Variants in HDAC9 observed in about 807,000 individuals in gnomAD.
HDAC9 encodes the protein MEF-2 interacting transcription repressor (MITR) protein.
Under a neutral mutation model 139.4 loss-of-function variants are expected in HDAC9, and 41 were observed. The ratio of observed to expected loss-of-function variants is 0.29; its 90% CI spans 0.23 to 0.38. HDAC9 has a LOEUF of 0.38. Ranked by LOEUF, HDAC9 falls within the 10% of genes least tolerant of loss-of-function variation. The pLI is 1.00. For synonymous variants in HDAC9, 517 were observed against 476.2 expected, an observed-to-expected ratio of 1.09 and a Z score of -1.12; for missense variants, 1,147 against 1,297.0, an observed-to-expected ratio of 0.88 and a Z score of 1.78.
chr7:18,474,268 G>T (rs971921610), intron 1 of HDAC9, among the ~76,000 whole-genome samples: 1 of 152,160 alleles, frequency 6.6e-6, no homozygotes, highest in African/African-American at 2.4e-5. Flanking sequence ...TACTATTCTT[G>T]TACCTATACT....
chr7:18,298,452 A>G (rs985228345), intron 1 of HDAC9, among the ~76,000 whole-genome samples: 7 of 151,758 alleles, frequency 4.6e-5, no homozygotes, highest in African/African-American at 1.7e-4. Context: ...ACCCCACCAC[A>G]GTCCCCAGAG....
intron 1 of HDAC9, among the ~76,000 whole-genome samples, chr7:18,420,531 A>G (rs1409339420): frequency 6.6e-6 from 1 of 152,144 alleles, no homozygotes; most frequent in Non-Finnish European, 1.5e-5. Flanking sequence ...AAGATTTTTC[A>G]TATTTAAAAC....
intron 2 of HDAC9, among the ~76,000 whole-genome samples, chr7:18,263,428 A>T (rs1795803266): frequency 6.6e-6 from 1 of 152,150 alleles, no homozygotes; most frequent in African/African-American, 2.4e-5. Flanking sequence ...AAAGGTACTG[A>T]GGTGTAAAAG....
chr7:18,183,832 T>C (rs2058074), intron 2 of HDAC9, among the ~76,000 whole-genome samples: 27,402 of 152,020 alleles, frequency 0.18, 2,851 homozygotes, highest in South Asian at 0.34. Context: ...AATACATAAA[T>C]GGTAAAGTAT....
At chr7:18,627,852 C>G (rs1337743696) in intron 6 of HDAC9, among the ~76,000 whole-genome samples, 3 of 151,950 alleles carry the variant, frequency 2.0e-5, no homozygotes, top group Non-Finnish European at 2.9e-5. Context: ...ATCAGGTTTA[C>G]AATACAAAAA....
At chr7:18,655,132 G>A (rs2129047840) in intron 11 of HDAC9, among the ~76,000 whole-genome samples, 1 of 152,246 alleles carries the variant, frequency 6.6e-6, no homozygotes, top group Non-Finnish European at 1.5e-5. Flanking sequence ...CTTGTTTTAT[G>A]TTTTGAAAAA....
intron 2 of HDAC9, among the ~76,000 whole-genome samples, chr7:18,172,953 GCTGT>G (rs1276733186): frequency 5.3e-5 from 8 of 152,170 alleles, no homozygotes; most frequent in Non-Finnish European, 1.0e-4. Flanking sequence ...GAGTTCTCTA[GCTGT>G]CTATTAGGTC....
intron 12 of HDAC9, among the ~76,000 whole-genome samples, chr7:18,721,962 G>A (rs1161561174): frequency 2.0e-5 from 3 of 152,130 alleles, no homozygotes; most frequent in Non-Finnish European, 4.4e-5. Flanking sequence ...CTACCACTTA[G>A]AATGATGGGG....
intron 1 of HDAC9, among the ~76,000 whole-genome samples, chr7:18,379,045 C>G (rs545679301): frequency 1.3e-5 from 2 of 152,256 alleles, no homozygotes; most frequent in African/African-American, 4.8e-5. Context: ...ACATGAGGCT[C>G]TATGTTTGTA....
intron 2 of HDAC9, among the ~76,000 whole-genome samples, chr7:18,503,834 A>T (rs1477719613): frequency 2.0e-5 from 3 of 152,192 alleles, no homozygotes; most frequent in Admixed American, 1.3e-4. Flanking sequence ...AGCCATGTGG[A>T]TGTTATTTTC....
intron 22 of HDAC9, among the ~76,000 whole-genome samples, chr7:18,908,038 G>C (rs1349106494): frequency 1.3e-5 from 2 of 151,924 alleles, no homozygotes; most frequent in Non-Finnish European, 2.9e-5. Context: ...TTACAATATA[G>C]TAGAAAAACA....
chr7:18,488,645 C>G (rs1465081686), intron 1 of HDAC9, among the ~76,000 whole-genome samples: 1 of 151,980 alleles, frequency 6.6e-6, no homozygotes, highest in Non-Finnish European at 1.5e-5. Context: ...CCAGAGTTTT[C>G]TGGAAGCTCT....
At chr7:18,814,115 C>G (rs1794392499) in intron 17 of HDAC9, among the ~76,000 whole-genome samples, 1 of 152,182 alleles carries the variant, frequency 6.6e-6, no homozygotes, top group South Asian at 2.1e-4. Flanking sequence ...ATTGCTGCAT[C>G]TTTCTTCAGA....
intron 1 of HDAC9, among the ~76,000 whole-genome samples, chr7:18,473,948 C>T (rs1363209457): frequency 1.3e-5 from 2 of 152,214 alleles, no homozygotes; most frequent in African/African-American, 4.8e-5. Context: ...ACACACATCA[C>T]TTAGGGTGCA....
intron 16 of HDAC9, among the ~76,000 whole-genome samples, chr7:18,773,643 A>G (rs533898691): frequency 3.3e-5 from 5 of 152,150 alleles, no homozygotes; most frequent in Admixed American, 6.6e-5. Context: ...ACTGATTGCT[A>G]CTTCTGACTG....
At chr7:18,590,585 A>C (rs1726610) in intron 4 of HDAC9, 99 bp downstream of exon 4, 777,579 of 1,183,904 alleles carry the variant, frequency 0.66, 257,477 homozygotes, top group East Asian at 0.88. Context: ...AGACTCGTCA[A>C]AATTATCTGT....
chr7:18,570,620 T>C (rs1823964967), intron 2 of HDAC9, among the ~76,000 whole-genome samples: 2 of 152,166 alleles, frequency 1.3e-5, no homozygotes, highest in African/African-American at 4.8e-5. Flanking sequence ...CGGTGTGTGT[T>C]CTAATTCCTG....
At chr7:18,841,120 A>G (rs1383837789) in intron 21 of HDAC9, among the ~76,000 whole-genome samples, 2 of 152,178 alleles carry the variant, frequency 1.3e-5, no homozygotes, top group Non-Finnish European at 2.9e-5. Context: ...TCTCATTCTT[A>G]TTTTATAAAA....
intron 24 of HDAC9, among the ~76,000 whole-genome samples, chr7:18,966,073 T>A (rs1234909742): frequency 6.6e-6 from 1 of 152,246 alleles, no homozygotes; most frequent in Non-Finnish European, 1.5e-5. Context: ...GATGGATGTG[T>A]TACACCTGTA....
Sources: gnomAD v4.1 joint callset for allele counts (sites outside exome capture counted in the v4.1 genomes callset) on GRCh38, gnomAD v4.1.1 for gene constraint, MANE v1.5 for transcripts, NCBI Gene and HGNC (gene_info 2026-07-23, HGNC 2026-07-21) for gene names.